The following UBE2D2 variants were observed in gnomAD, a reference collection of about 807,000 sequenced individuals.
UBE2D2 encodes ubiquitin conjugating enzyme E2 D2.
A neutral mutation model predicts 24.2 loss-of-function variants in UBE2D2; 2 were observed. That is an observed-to-expected ratio of 0.08 (90% CI 0.03 to 0.26). The LOEUF (loss-of-function observed/expected upper bound fraction) is 0.26, where lower values mean the gene tolerates loss of function less well. UBE2D2 is among the 10% of genes least tolerant of loss of function. UBE2D2 has a pLI of 1.00. For synonymous variants in UBE2D2, 58 were observed against 56.5 expected (o/e 1.03, Z -0.12); for missense variants, 44 against 177.6 (o/e 0.25, Z 4.28).
rs1200927029 is a variant in UBE2D2, at chr5:139,562,273, C to T, written c.24+458C>T. On this transcript the variant is annotated intron_variant, in intron 1 of 6. Coordinates refer to ENST00000398733, the MANE Select transcript of UBE2D2 (RefSeq NM_003339.3). ...CTCCACAAAACCGCCTGAGCTCGGGCTGACAGAGGAAGCCGTTTTGCCCGA... is the reference window on the plus strand; with the variant it reads ...CTCCACAAAACCGCCTGAGCTCGGGTTGACAGAGGAAGCCGTTTTGCCCGA... The T allele has an allele frequency of 2.9e-6, 4 of 1,357,422 alleles. No homozygotes were observed. The African/African-American group carries it at 4.4e-5, about 15-fold the overall frequency. The allele number at this position is 1,357,422 out of a possible 1,614,324, so 84.1% of individuals were successfully genotyped here.
intron 1 of UBE2D2, among the ~76,000 whole-genome samples, chr5:139,548,516 C>T (rs1008898046): frequency 2.6e-5 from 4 of 152,112 alleles, no homozygotes; most frequent in African/African-American, 9.7e-5. Context: ...CCCAAAACCC[C>T]AGCTTCACAA....
intron 1 of UBE2D2, among the ~76,000 whole-genome samples, chr5:139,530,116 T>C (rs1212142121): frequency 6.6e-6 from 1 of 152,228 alleles, no homozygotes; most frequent in Non-Finnish European, 1.5e-5. Context: ...AGCTGTATAA[T>C]GGTACCACAA....
chr5:139,542,938 C>T (rs1752778099), intron 1 of UBE2D2, among the ~76,000 whole-genome samples: 1 of 152,116 alleles, frequency 6.6e-6, no homozygotes, highest in Admixed American at 6.6e-5. Flanking sequence ...GCTCTGTCGT[C>T]CAGGATGGAG....
chr5:139,532,489 C>A (rs1408898115), intron 1 of UBE2D2, among the ~76,000 whole-genome samples: 1 of 151,972 alleles, frequency 6.6e-6, no homozygotes, highest in Non-Finnish European at 1.5e-5. Context: ...GTAGCTGGGA[C>A]TACAGGTGCC....
chr5:139,591,358 G>A (rs1322730315), intron 1 of UBE2D2, among the ~76,000 whole-genome samples: 3 of 151,940 alleles, frequency 2.0e-5, no homozygotes, highest in Non-Finnish European at 4.4e-5. Context: ...GACCTCAGGT[G>A]ATCCACCCAC....
chr5:139,584,534 T>TTTTTC (rs1554078454), intron 1 of UBE2D2, among the ~76,000 whole-genome samples: 1 of 56,106 alleles, frequency 1.8e-5, no homozygotes, highest in Non-Finnish European at 3.1e-5. Context: ...TTTTCTTTTC[T>TTTTTC]TTTTTTTTTT....
chr5:139,545,290 A>T (rs774479723), intron 1 of UBE2D2, among the ~76,000 whole-genome samples: 3 of 151,506 alleles, frequency 2.0e-5, no homozygotes, highest in Non-Finnish European at 2.9e-5. Context: ...CCGGACTTGA[A>T]TTCCTGGACT....
At position 139,539,736 on chromosome 5, in the gene UBE2D2, T is replaced by C. The variant is rs184777709; in HGVS notation, c.-64+13124T>C. ...CCTCCCAAGTAGCTGGAACTACAAG[T>C]GCCCGCCACCATGCCTGGCTAATTT... On this transcript the variant is annotated intron_variant, in intron 1 of 6. Transcript: ENST00000511725. Among the ~76,000 whole-genome samples, 813 of 144,966 alleles carry C rather than the reference T, an allele frequency of 5.6e-3. 4 individuals are homozygous for C. The highest frequency in any genetic ancestry group is 0.019 in the African/African-American group (748 of 38,992).
intron 6 of UBE2D2, among the ~76,000 whole-genome samples, chr5:139,625,851 TG>T (rs1754616264): frequency 6.6e-6 from 1 of 152,076 alleles, no homozygotes; most frequent in Non-Finnish European, 1.5e-5. Context: ...GTGATCCAGC[TG>T]CTCCAGCCTC....
chr5:139,546,879 CTTCTTTCT>C lies in UBE2D2; in HGVS notation c.-64+20274_-64+20281del, dbSNP rs1391714094. On this transcript the variant is annotated intron_variant, in intron 1 of 6. Transcript: ENST00000511725. ...CTTCCTTCCTTCCTTCCTTTCTTTC[CTTCTTTCT>C]TTCTTTTCTTTCTTTCTTTTTTTTT... Among the ~76,000 whole-genome samples, 6 of 137,760 alleles carry C rather than the reference CTTCTTTCT, an allele frequency of 4.4e-5. 1 individual carries two copies. The highest frequency in any genetic ancestry group is 3.8e-4 in the Admixed American group (5 of 13,010). The allele number at this position is 137,760 out of a possible 152,430, so 90.4% of individuals were successfully genotyped here.
chr5:139,566,668 C>T (rs950991634), intron 1 of UBE2D2, among the ~76,000 whole-genome samples: 1 of 152,026 alleles, frequency 6.6e-6, no homozygotes, highest in African/African-American at 2.4e-5. Flanking sequence ...GAGTGAGACC[C>T]TGTCTCAAAC....
intron 1 of UBE2D2, among the ~76,000 whole-genome samples, chr5:139,598,181 T>G (rs1753997266): frequency 6.6e-6 from 1 of 152,116 alleles, no homozygotes; most frequent in Admixed American, 6.6e-5. Flanking sequence ...CAGGCATGAG[T>G]CACTGTGCCT....
chr5:139,534,492 G>A (rs1465342395), intron 1 of UBE2D2, among the ~76,000 whole-genome samples: 2 of 150,700 alleles, frequency 1.3e-5, no homozygotes, highest in Admixed American at 6.6e-5. Flanking sequence ...CGTGAACCCC[G>A]GAGTCGGAGC....
intron 1 of UBE2D2, chr5:139,562,086 C>T (rs1753113175): frequency 1.1e-5 from 10 of 925,344 alleles, no homozygotes; most frequent in South Asian, 1.0e-4. Context: ...TAGGGCTTCT[C>T]TCCAGTCTGG....
chr5:139,545,880 T>C (rs1434767061), intron 1 of UBE2D2, among the ~76,000 whole-genome samples: 2 of 151,436 alleles, frequency 1.3e-5, no homozygotes, highest in East Asian at 3.9e-4. Context: ...TGTACCACCA[T>C]GCCCAGCTAA....
intron 2 of UBE2D2, among the ~76,000 whole-genome samples, chr5:139,602,497 T>G (rs1417447882): frequency 6.6e-6 from 1 of 151,934 alleles, no homozygotes; most frequent in Non-Finnish European, 1.5e-5. Context: ...GGCAACATGG[T>G]GAAACCCTCT....
chr5:139,623,292 A>G (rs1375722678), intron 5 of UBE2D2, 76 bp from the exon 6 acceptor site: 8 of 1,031,834 alleles, frequency 7.8e-6, no homozygotes, highest in Non-Finnish European at 1.1e-5. Context: ...GAATTTTCTC[A>G]TGTTTTGGCG....
At chr5:139,559,695 CCA>C (rs972553267), upstream of UBE2D2, among the ~76,000 whole-genome samples, 10 of 152,238 alleles carry the variant, frequency 6.6e-5, no homozygotes, top group Admixed American at 6.6e-4. Flanking sequence ...TAGTTGGGCT[CCA>C]GTTTTTTCTT....
intron 1 of UBE2D2, among the ~76,000 whole-genome samples, chr5:139,548,646 G>A (rs572210340): frequency 5.9e-5 from 9 of 151,960 alleles, no homozygotes; most frequent in Middle Eastern, 3.4e-3. Flanking sequence ...AATATTTATC[G>A]AGCATTTCCT....
Sources: gnomAD v4.1 joint callset for allele counts (sites outside exome capture counted in the v4.1 genomes callset) on GRCh38, gnomAD v4.1.1 for gene constraint, MANE v1.5 for transcripts, NCBI Gene and HGNC (gene_info 2026-07-23, HGNC 2026-07-21) for gene names.